HIBCH: variants seen among roughly 807,000 people sequenced by gnomAD.
HIBCH encodes the protein 3-hydroxyisobutyryl-CoA hydrolase, mitochondrial.
A neutral mutation model predicts 58.2 loss-of-function variants in HIBCH; 50 were observed. That is an observed-to-expected ratio of 0.86 (90% CI 0.68 to 1.09). The LOEUF (loss-of-function observed/expected upper bound fraction) is 1.09, where lower values mean the gene tolerates loss of function less well. Ranked by LOEUF, HIBCH falls within the 50% of genes least tolerant of loss-of-function variation. The pLI is 0.00. For synonymous variants in HIBCH, 151 were observed against 146.9 expected, an observed-to-expected ratio of 1.03 and a Z score of -0.20; for missense variants, 450 against 449.7, an observed-to-expected ratio of 1.00 and a Z score of -0.01.
intron 3 of HIBCH, among the ~76,000 whole-genome samples, chr2:190,295,809 T>C (rs1688089896): frequency 6.6e-6 from 1 of 152,200 alleles, no homozygotes; most frequent in Admixed American, 6.5e-5. Context: ...AACATAAGAA[T>C]GGAAGACAGA....
At chr2:190,200,178 G>A (rs767863504), downstream of HIBCH, 9 of 1,588,314 alleles carry the variant, frequency 5.7e-6, no homozygotes, top group South Asian at 8.9e-5. Context: ...TTTGACTGTG[G>A]AGGTGCTAGT....
intron 2 of HIBCH, among the ~76,000 whole-genome samples, chr2:190,300,150 T>C (rs995685924): frequency 2.6e-5 from 4 of 152,230 alleles, no homozygotes; most frequent in Non-Finnish European, 5.9e-5. Context: ...GTCTTTATGG[T>C]AGTACAATTT....
intron 11 of HIBCH, among the ~76,000 whole-genome samples, chr2:190,239,765 TCA>T (rs1425657053): frequency 6.6e-6 from 1 of 150,880 alleles, no homozygotes; most frequent in Admixed American, 6.6e-5. Context: ...TTCTCCTGCC[TCA>T]GCCTCCTGAG....
intron 6 of HIBCH, among the ~76,000 whole-genome samples, chr2:190,286,039 G>A (rs561282206): frequency 1.3e-5 from 2 of 151,916 alleles, no homozygotes; most frequent in East Asian, 1.9e-4. Flanking sequence ...ATGGGGTTTC[G>A]CCATGTTGCC....
intron 11 of HIBCH, among the ~76,000 whole-genome samples, chr2:190,231,237 AC>A (rs1457728090): frequency 6.6e-6 from 1 of 152,222 alleles, no homozygotes; most frequent in African/African-American, 2.4e-5. Flanking sequence ...CTAGACCTAA[AC>A]AAAAAAGCAG....
chr2:190,314,184 A>G (rs1688630251), intron 1 of HIBCH, among the ~76,000 whole-genome samples: 2 of 151,594 alleles, frequency 1.3e-5, no homozygotes, highest in African/African-American at 4.8e-5. Context: ...AATTTTATTT[A>G]ACTCAAAGAA....
intron 9 of HIBCH, among the ~76,000 whole-genome samples, chr2:190,247,040 G>A (rs1282039403): frequency 6.6e-6 from 1 of 150,750 alleles, no homozygotes; most frequent in Non-Finnish European, 1.5e-5. Context: ...TGTAGGCTGT[G>A]TTTCTCCTAT....
rs1281795221 is a variant in HIBCH at position 190,288,584 on chromosome 2, T to C, written c.386-946A>G. Among the ~76,000 whole-genome samples, 6 of 151,688 alleles carry C rather than the reference T, an allele frequency of 4.0e-5. No homozygotes were observed. In the South Asian group the frequency reaches 1.3e-3, roughly 32 times the overall value. On this transcript the variant is annotated intron_variant, in intron 5 of 13. Transcript: ENST00000359678. ...ATTAATGTGGGATATAATCATAATA[T>C]TGGATACCACAGAAGAGTTACATTC...
intron 7 of HIBCH, among the ~76,000 whole-genome samples, chr2:190,253,798 C>G (rs1018672539): frequency 6.6e-6 from 1 of 152,196 alleles, no homozygotes; most frequent in Non-Finnish European, 1.5e-5. Flanking sequence ...TACTCACTCC[C>G]AATACTCCAG....
At position 190,254,911 on chromosome 2, in the gene HIBCH, T is replaced by A. The variant is rs1239018553; in HGVS notation, c.518-2604A>T. ...ATATGTAGCTATTAAACACCTGAAATGTAGCTGGTGTGACTGAGGAACTGA... is the reference window on the plus strand; with the variant it reads ...ATATGTAGCTATTAAACACCTGAAAAGTAGCTGGTGTGACTGAGGAACTGA... On this transcript the variant is annotated intron_variant, in intron 7 of 13. Coordinates refer to ENST00000359678, the MANE Select transcript of HIBCH (RefSeq NM_014362.4). This position sits in a 1 kb window ranked among gnomAD's most constrained non-coding sequence, Gnocchi z 5.0. 1.3e-5 allele frequency among the ~76,000 whole-genome samples: 2 copies of A among 152,202 alleles called. No homozygotes were observed. The highest frequency in any genetic ancestry group is 2.9e-5 in the Non-Finnish European group (2 of 68,032).
chr2:190,312,250 A>T (rs541312710), intron 1 of HIBCH, among the ~76,000 whole-genome samples: 1 of 152,346 alleles, frequency 6.6e-6, no homozygotes, highest in East Asian at 1.9e-4. Context: ...GGGCTTTTTA[A>T]AAAATGTCCT....
intron 11 of HIBCH, among the ~76,000 whole-genome samples, chr2:190,226,361 C>A (rs867463179): frequency 6.6e-6 from 1 of 152,034 alleles, no homozygotes; most frequent in Non-Finnish European, 1.5e-5. Context: ...TTTGGGAGGT[C>A]GAGGCGGGCA....
intron 6 of HIBCH, among the ~76,000 whole-genome samples, chr2:190,268,549 G>A (rs114137338): frequency 0.03 from 4,595 of 152,266 alleles, 97 homozygotes; most frequent in Middle Eastern, 0.061. Context: ...AACCTAGCTA[G>A]ATGAGTTTTC....
At chr2:190,300,965 T>G (rs1559061420) in intron 2 of HIBCH, among the ~76,000 whole-genome samples, 3 of 152,226 alleles carry the variant, frequency 2.0e-5, no homozygotes, top group Admixed American at 2.0e-4. Context: ...CACATGTCTG[T>G]CTGAATGGCT....
intron 2 of HIBCH, among the ~76,000 whole-genome samples, chr2:190,300,302 T>C (rs1352298603): frequency 6.6e-6 from 1 of 152,222 alleles, no homozygotes; most frequent in South Asian, 2.1e-4. Flanking sequence ...ACGTTCCCTT[T>C]TCTGCACATC....
Position 190,236,211 on chromosome 2 carries a change from T to G in HIBCH, c.891+8676A>C, listed in dbSNP as rs77391234. Among the ~76,000 whole-genome samples, 2,304 of 152,250 alleles carry G rather than the reference T, an allele frequency of 0.015. 62 individuals carry two copies. Among genetic ancestry groups the G allele is most frequent in the African/African-American group, 0.051 (2,109 of 41,538 alleles). ...GATCTGGAGCTGTGTTGTGTTGTTG[T>G]AAGGCTTAAATGGGAAATATCTCTT... is the stretch of plus-strand genomic sequence containing the variant. On this transcript the variant is annotated intron_variant, in intron 11 of 13. Transcript: ENST00000359678. The surrounding 1 kb of genome is among the most constrained non-coding windows in gnomAD (Gnocchi z 4.1).
At chr2:190,241,222 GT>G (rs1157671516) in intron 11 of HIBCH, among the ~76,000 whole-genome samples, 1 of 152,132 alleles carries the variant, frequency 6.6e-6, no homozygotes, top group East Asian at 1.9e-4. Flanking sequence ...TTACCATTAT[GT>G]AATGCCTTTG....
At chr2:190,270,310 G>A (rs1442948332) in intron 6 of HIBCH, among the ~76,000 whole-genome samples, 1 of 148,216 alleles carries the variant, frequency 6.7e-6, no homozygotes, top group Non-Finnish European at 1.5e-5. Flanking sequence ...GTTATTTTAA[G>A]GCATAGTTAA....
At position 190,211,733 on chromosome 2, in the gene HIBCH, T is replaced by C. The variant is rs553640933; in HGVS notation, c.1011+1223A>G. ...AGTACTTATCACAATTTATAATTAT[T>C]TTACTTATTTTGTTTACTTGTTCTT... On this transcript the variant is annotated intron_variant, in intron 12 of 13. Coordinates refer to ENST00000359678, the MANE Select transcript of HIBCH (RefSeq NM_014362.4). This position sits in a 1 kb window ranked among gnomAD's most constrained non-coding sequence, Gnocchi z 5.0. Among the ~76,000 whole-genome samples, 1 of 152,312 alleles carries C rather than the reference T, an allele frequency of 6.6e-6. No homozygotes were observed. The highest frequency in any genetic ancestry group is 2.1e-4 in the South Asian group (1 of 4,820).
Sources: allele counts gnomAD v4.1 joint callset (sites outside exome capture counted in the v4.1 genomes callset), GRCh38; gene constraint gnomAD v4.1.1; non-coding constraint Gnocchi (gnomAD v3.1); transcripts MANE v1.5; gene names NCBI Gene and HGNC (gene_info 2026-07-23, HGNC 2026-07-21).